ARB2A: variants seen among roughly 807,000 people sequenced by gnomAD.
ARB2A encodes cotranscriptional regulator ARB2A.
chr5:93,865,640 C>A, the ARB2A span: 1 of 985,384 alleles, frequency 1.0e-6, no homozygotes. Context: ...TGGCCATTTA[C>A]TTCCTAGCTT....
the ARB2A span, among the ~76,000 whole-genome samples, chr5:94,080,283 A>G: frequency 3.9e-5 from 6 of 152,166 alleles, no homozygotes; most frequent in Non-Finnish European, 5.9e-5. Context: ...AAAATAAATA[A>G]TAAAACATAA....
the ARB2A span, among the ~76,000 whole-genome samples, chr5:93,652,747 G>A: frequency 2.0e-5 from 3 of 152,186 alleles, no homozygotes; most frequent in Non-Finnish European, 2.9e-5. Context: ...TGTACACTAT[G>A]ACACACAGAA....
chr5:94,066,946 A>G, the ARB2A span, among the ~76,000 whole-genome samples: 2 of 152,318 alleles, frequency 1.3e-5, no homozygotes, highest in Non-Finnish European at 1.5e-5. Context: ...ACTCAATAAA[A>G]TAACAATAAA....
the ARB2A span, among the ~76,000 whole-genome samples, chr5:93,908,294 C>T: frequency 9.9e-5 from 15 of 150,972 alleles, no homozygotes; most frequent in African/African-American, 2.2e-4. Context: ...TGAAATATCA[C>T]TAAAATAACT....
At chr5:94,103,200 C>T in the ARB2A span, among the ~76,000 whole-genome samples, 1 of 152,078 alleles carries the variant, frequency 6.6e-6, no homozygotes, top group Non-Finnish European at 1.5e-5. Flanking sequence ...GGACTAACTA[C>T]ACCACTTAAG....
chr5:93,741,677 G>A, the ARB2A span: 1 of 1,260,160 alleles, frequency 7.9e-7, no homozygotes, highest in South Asian at 1.6e-5. Context: ...GGCGTTACAA[G>A]CCAAGGGTGC....
At chr5:93,739,606 A>C in the ARB2A span, 41 of 152,320 alleles carry the variant, frequency 2.7e-4, no homozygotes, top group African/African-American at 9.1e-4. Context: ...TCCATTTAGT[A>C]TATGGTGACC....
the ARB2A span, among the ~76,000 whole-genome samples, chr5:93,937,569 G>A: frequency 2.0e-5 from 3 of 151,694 alleles, no homozygotes; most frequent in Non-Finnish European, 4.4e-5. Flanking sequence ...CCGAGATTGC[G>A]CCACTGCACT....
chr5:94,002,167 T>C, the ARB2A span, among the ~76,000 whole-genome samples: 6 of 152,032 alleles, frequency 3.9e-5, no homozygotes, highest in Non-Finnish European at 8.8e-5. Flanking sequence ...GCTCTGATAA[T>C]ACCCCAACAA....
the ARB2A span, among the ~76,000 whole-genome samples, chr5:93,663,135 G>A: frequency 6.6e-6 from 1 of 152,116 alleles, no homozygotes; most frequent in South Asian, 2.1e-4. Context: ...AAATTTTGGA[G>A]GGGACATATT....
chr5:94,025,909 G>A, the ARB2A span, among the ~76,000 whole-genome samples: 1 of 152,298 alleles, frequency 6.6e-6, no homozygotes, highest in East Asian at 1.9e-4. Context: ...CTGCACTCTG[G>A]CATGGATCCT....
At chr5:93,851,316 A>G in the ARB2A span, among the ~76,000 whole-genome samples, 20 of 152,186 alleles carry the variant, frequency 1.3e-4, no homozygotes, top group Non-Finnish European at 1.5e-5. Flanking sequence ...TTTACAGAGG[A>G]AAAAACCTGG....
chr5:94,038,644 A>C, the ARB2A span, among the ~76,000 whole-genome samples: 1 of 152,144 alleles, frequency 6.6e-6, no homozygotes, highest in African/African-American at 2.4e-5. Context: ...ATTTACATTT[A>C]AATGATAGTG....
At chr5:93,683,177 A>T in the ARB2A span, 5 of 1,333,286 alleles carry the variant, frequency 3.8e-6, no homozygotes, top group Non-Finnish European at 5.3e-6. Flanking sequence ...CTCATCATCA[A>T]AATCATCATC....
At chr5:93,689,638 C>T in the ARB2A span, among the ~76,000 whole-genome samples, 1 of 151,966 alleles carries the variant, frequency 6.6e-6, no homozygotes, top group Admixed American at 6.6e-5. Flanking sequence ...GGCAGATATT[C>T]AAAATTATTT....
At chr5:94,024,144 AG>A in the ARB2A span, among the ~76,000 whole-genome samples, 1 of 152,172 alleles carries the variant, frequency 6.6e-6, no homozygotes, top group Non-Finnish European at 1.5e-5. Context: ...CACATTGTAC[AG>A]ATATTTGGTC....
the ARB2A span, among the ~76,000 whole-genome samples, chr5:93,879,416 G>T: frequency 6.6e-6 from 1 of 151,848 alleles, no homozygotes; most frequent in Non-Finnish European, 1.5e-5. Flanking sequence ...TTGTCTTTTG[G>T]TGCTTTTGTT....
the ARB2A span, among the ~76,000 whole-genome samples, chr5:94,062,225 A>AACC: frequency 6.6e-6 from 1 of 152,130 alleles, no homozygotes; most frequent in East Asian, 1.9e-4. Context: ...GATAAAAATG[A>AACC]ACCTCAACCT....
chr5:93,956,716 CCT>C, the ARB2A span, among the ~76,000 whole-genome samples: 1 of 151,880 alleles, frequency 6.6e-6, no homozygotes, highest in African/African-American at 2.4e-5. Flanking sequence ...CTTCTTATTC[CCT>C]GTTTATTAGT....
Sources: allele counts gnomAD v4.1 joint callset (sites outside exome capture counted in the v4.1 genomes callset), GRCh38; gene constraint gnomAD v4.1.1; transcripts MANE v1.5; gene names NCBI Gene and HGNC (gene_info 2026-07-23, HGNC 2026-07-21).